The following FREM2 variants were observed in gnomAD, a reference collection of about 807,000 sequenced individuals.
The protein encoded by FREM2 is FRAS1 related extracellular matrix 2.
Under a neutral mutation model 219.9 loss-of-function variants are expected in FREM2, and 119 were observed. That is an observed-to-expected ratio of 0.54 (90% CI 0.47 to 0.63). The LOEUF is 0.63. Among genes scored for constraint, FREM2 ranks in the 30% least tolerant of loss-of-function variants. FREM2 has a pLI of 0.00. For missense variants in FREM2, 4,030 were observed against 3,993.6 expected, an observed-to-expected ratio of 1.01 and a Z score of -0.25; for synonymous variants, 1,562 against 1,522.8, an observed-to-expected ratio of 1.03 and a Z score of -0.60.
At position 38,861,288 on chromosome 13, in the gene FREM2, G is replaced by A. The variant is rs11618650; in HGVS notation, c.7520-143G>A. 0.046 allele frequency: 35,726 copies of A among 776,842 alleles called. 1,068 individuals are homozygous for A. Among genetic ancestry groups the A allele is most frequent in the Middle Eastern group, 0.1 (295 of 2,836 alleles). The allele number at this position is 776,842 out of a possible 1,614,324, so 48.1% of individuals were successfully genotyped here. Reference sequence around the variant, plus strand: ...CTGTGGACTTCTAATTCCTTATCACGTGATGTACACTCTTAGCCATGCCCT... The same window carrying A: ...CTGTGGACTTCTAATTCCTTATCACATGATGTACACTCTTAGCCATGCCCT... On this transcript the variant is annotated intron_variant, in intron 14 of 23. Transcript: ENST00000280481.
intron 2 of FREM2, among the ~76,000 whole-genome samples, chr13:38,698,726 G>GTC (rs1870222457): frequency 6.6e-6 from 1 of 152,058 alleles, no homozygotes; most frequent in African/African-American, 2.4e-5. Context: ...CTATTATGTC[G>GTC]TCTATCTCAA....
At chr13:38,735,196 A>G (rs1293762382) in intron 2 of FREM2, among the ~76,000 whole-genome samples, 1 of 152,200 alleles carries the variant, frequency 6.6e-6, no homozygotes, top group Non-Finnish European at 1.5e-5. Context: ...TGTCCCTTTT[A>G]TGAAGAATTT....
At chr13:38,692,563 T>A (rs1869940913) in intron 1 of FREM2, 46 bp downstream of exon 1, 1 of 1,594,648 alleles carries the variant, frequency 6.3e-7, no homozygotes, top group African/African-American at 1.3e-5. Context: ...TTCCTGAGAA[T>A]GTGGCTTCAC....
At position 38,692,347 on chromosome 13, in the gene FREM2, G is replaced by A. The variant is rs1868463; in HGVS notation, c.5003G>A (p.Arg1668His). ...GTGAATAAGGGGGCCTCTACACTTCGCACTCTAGCCACTGGCCACTTGGGG... is the reference window on the plus strand; with the variant it reads ...GTGAATAAGGGGGCCTCTACACTTCACACTCTAGCCACTGGCCACTTGGGG... ...IAVNKGASTL[R>H]TLATGHLGFM... The change falls in exon 1 of 24, where the codon CGC becomes CAC. Residue 1668 changes from arginine (R) to histidine (H), a missense_variant. This residue lies in a region of FREM2 where 3,102 missense variants were observed against 2,950.7 expected (regional missense o/e 1.05). Coordinates refer to ENST00000280481, the MANE Select transcript of FREM2 (RefSeq NM_207361.6). 99,895 of 1,603,678 alleles carry A rather than the reference G, an allele frequency of 0.062. 5,201 individuals carry two copies. The highest frequency in any genetic ancestry group is 0.26 in the East Asian group (11,616 of 44,728).
intron 4 of FREM2, among the ~76,000 whole-genome samples, chr13:38,781,607 A>G (rs1187231821): frequency 6.6e-6 from 1 of 152,204 alleles, no homozygotes; most frequent in Non-Finnish European, 1.5e-5. Context: ...TAAATAAATA[A>G]TTAGTTACAA....
rs149201064 is a variant in FREM2, at chr13:38,732,339, G to A, written c.5264-31965G>A. ...CTGATTGGACTTCACTAGTCTATGG[G>A]TGTTGCTAATTGAACAGAAATTGCT... On this transcript the variant is annotated intron_variant, in intron 2 of 23. Transcript: ENST00000280481. Among the ~76,000 whole-genome samples, 118 of 152,280 alleles carry A rather than the reference G, an allele frequency of 7.7e-4. 1 individual carries two copies. Among genetic ancestry groups the A allele is most frequent in the African/African-American group, 2.7e-3 (111 of 41,562 alleles).
rs561056639 is a variant in FREM2 at position 38,733,153 on chromosome 13, A to G, written c.5264-31151A>G. 2.2e-4 allele frequency among the ~76,000 whole-genome samples: 34 copies of G among 152,290 alleles called. No homozygotes were observed. The South Asian group carries it at 6.2e-3, about 28-fold the overall frequency. ...TTGCAGATCTATACTAAACTGTGGCATCTAGAGAGGTGAAGGTTTTTGAAG... is the reference window on the plus strand; with the variant it reads ...TTGCAGATCTATACTAAACTGTGGCGTCTAGAGAGGTGAAGGTTTTTGAAG... On this transcript the variant is annotated intron_variant, in intron 2 of 23. Coordinates refer to ENST00000280481, the MANE Select transcript of FREM2 (RefSeq NM_207361.6).
At chr13:38,779,398 T>A (rs1566139285) in intron 4 of FREM2, 1 of 139,126 alleles carries the variant, frequency 7.2e-6, no homozygotes, top group Non-Finnish European at 1.6e-5. Flanking sequence ...ATAAATTTTT[T>A]AAAAAAAGAA....
chr13:38,851,932 C>G (rs1877387451), intron 11 of FREM2, 64 bp downstream of exon 11: 1 of 1,417,704 alleles, frequency 7.1e-7, no homozygotes, highest in Non-Finnish European at 1.0e-6. Flanking sequence ...AGTGCCAGTG[C>G]CCTTAAGGAA....
Position 38,691,084 on chromosome 13 carries a change from T to C in FREM2, c.3740T>C (p.Val1247Ala). 6.2e-7 allele frequency: 1 copy of C among 1,613,934 alleles called. No homozygotes were observed. The highest frequency in any genetic ancestry group is 1.6e-4 in the Middle Eastern group (1 of 6,062). The change falls in exon 1 of 24, where the codon GTT (valine) becomes GCT (alanine). Residue 1247 changes from valine to alanine, a missense_variant. Physicochemically the swap from Val to Ala is moderately conservative, Grantham distance 64. Transcript: ENST00000280481. ...ATGAATCAGCTGATAAATGGCACGG[T>C]TTTGGTCGAAAGCTTCACCTTGGAT... ...HIMNQLINGT[V>A]LVESFTLDQI...
At chr13:38,846,042 T>C (rs2137906062) in intron 6 of FREM2, among the ~76,000 whole-genome samples, 1 of 152,296 alleles carries the variant, frequency 6.6e-6, no homozygotes. Flanking sequence ...CTAGCAATCA[T>C]ATATTCAGTC....
intron 2 of FREM2, among the ~76,000 whole-genome samples, chr13:38,719,062 C>T (rs1871119995): frequency 6.6e-6 from 1 of 152,110 alleles, no homozygotes; most frequent in Non-Finnish European, 1.5e-5. Flanking sequence ...TCAGAAGTTC[C>T]AATTGAGTCT....
chr13:38,710,021 AC>A (rs1870706100), intron 2 of FREM2, among the ~76,000 whole-genome samples: 1 of 150,598 alleles, frequency 6.6e-6, no homozygotes, highest in African/African-American at 2.4e-5. Context: ...ACACACACAC[AC>A]ACACACACAC....
intron 2 of FREM2, among the ~76,000 whole-genome samples, chr13:38,713,660 A>C (rs2442365): frequency 2.0e-5 from 3 of 151,990 alleles, no homozygotes; most frequent in African/African-American, 7.3e-5. Context: ...ATTTCACAAG[A>C]CAACCTACAT....
chr13:38,687,581 C>A lies in FREM2; in HGVS notation c.237C>A (p.Leu79=), dbSNP rs756006207. The A allele has an allele frequency of 6.2e-7, 1 of 1,606,636 alleles. No homozygotes were observed. ...EEAIVLANRG[L]RVPFGREVWL... ...CCATAGTGCTGGCGAACCGCGGACT[C>A]CGGGTGCCTTTCGGCCGTGAAGTCT... Residue 79 remains leucine, a synonymous_variant, in exon 1 of 24, where the codon CTC becomes CTA. Coordinates refer to ENST00000280481, the MANE Select transcript of FREM2 (RefSeq NM_207361.6).
chr13:38,820,079 T>C (rs1875979804), intron 6 of FREM2, among the ~76,000 whole-genome samples: 1 of 152,140 alleles, frequency 6.6e-6, no homozygotes, highest in Non-Finnish European at 1.5e-5. Context: ...AAATGAACTA[T>C]TCTTGTTGAT....
intron 6 of FREM2, among the ~76,000 whole-genome samples, chr13:38,797,061 A>G (rs1874817813): frequency 6.6e-6 from 1 of 151,928 alleles, no homozygotes; most frequent in African/African-American, 2.4e-5. Flanking sequence ...AATTTTTTGT[A>G]GAGATGGGGT....
rs370328796 is a variant in FREM2, at chr13:38,848,488, G to A, written c.6197G>A (p.Arg2066His). The change falls in exon 8 of 24, where the codon CGT becomes CAT. Residue 2066 changes from arginine to histidine, a missense_variant. Physicochemically the swap from Arg to His is conservative, Grantham distance 29. Around this residue, in one of 2 missense-constraint regions of FREM2, gnomAD observed 3,102 missense variants for 2,950.7 expected, o/e 1.05. Transcript: ENST00000280481. ...DAGTDYVGIS[R>H]NLDFAPGVNM... is the part of the protein sequence containing the mutation. ...GGAACAGACTATGTGGGCATCAGCC[G>A]TAATTTAGATTTTGCACCTGGAGTC... 31 of 1,613,706 alleles carry A rather than the reference G, an allele frequency of 1.9e-5. No individual in the cohort carries two copies. The highest frequency in any genetic ancestry group is 2.7e-5 in the African/African-American group (2 of 74,906).
intron 6 of FREM2, among the ~76,000 whole-genome samples, chr13:38,803,400 C>T (rs570128812): frequency 6.6e-6 from 1 of 151,986 alleles, no homozygotes; most frequent in Non-Finnish European, 1.5e-5. Flanking sequence ...AAACCTGTGT[C>T]GCGTCTTTAA....
Sources: allele counts gnomAD v4.1 joint callset (sites outside exome capture counted in the v4.1 genomes callset), GRCh38; gene constraint gnomAD v4.1.1; regional missense constraint gnomAD v4.1.1; transcripts MANE v1.5; gene names NCBI Gene and HGNC (gene_info 2026-07-23, HGNC 2026-07-21).